The following OVCH1 variants were observed in gnomAD, a reference collection of about 807,000 sequenced individuals.
The protein encoded by OVCH1 is ovochymase-1.
In OVCH1, 139 loss-of-function variants were observed where a neutral mutation model predicts 138.4. The observed-to-expected ratio is 1.00, with a 90% CI of 0.87 to 1.16. The LOEUF is 1.16. Ranked by LOEUF, OVCH1 falls within the 50% of genes most tolerant of loss-of-function variation. OVCH1 has a pLI of 0.00. For synonymous variants in OVCH1, 453 were observed against 467.8 expected (o/e 0.97, Z 0.41); for missense variants, 1,367 against 1,357.9 (o/e 1.01, Z -0.11).
At chr12:29,481,969 C>T (rs1430165529) in intron 8 of OVCH1, among the ~76,000 whole-genome samples, 3 of 152,226 alleles carry the variant, frequency 2.0e-5, no homozygotes, top group Non-Finnish European at 4.4e-5. Flanking sequence ...ACCTGGATGA[C>T]TGCATCATCT....
At chr12:29,441,069 G>A (rs1288424017) in intron 25 of OVCH1, among the ~76,000 whole-genome samples, 1 of 152,128 alleles carries the variant, frequency 6.6e-6, no homozygotes, top group Non-Finnish European at 1.5e-5. Flanking sequence ...AGAAAGATTT[G>A]AGATAATTCC....
In OVCH1 at chr12:29,471,869, C is replaced by T. The variant is rs768253853; in HGVS notation, c.1789G>A (p.Asp597Asn). The T allele has an allele frequency of 9.9e-6, 16 of 1,613,070 alleles. No homozygotes were observed. Among genetic ancestry groups the T allele is most frequent in the East Asian group, 4.5e-5 (2 of 44,834 alleles). Residue 597 changes from aspartate (D) to asparagine (N), a missense_variant, in exon 16 of 28, where the codon GAT becomes AAT. Coordinates refer to ENST00000318184, the Ensembl canonical transcript of OVCH1. ...ATGATGGCACCTCCACATTGGTAAT[C>T]GCCTAGAAACCTCAGACCCACCTGC...
downstream of OVCH1, among the ~76,000 whole-genome samples, chr12:29,412,218 C>A (rs1386625084): frequency 1.3e-5 from 2 of 152,142 alleles, no homozygotes; most frequent in Non-Finnish European, 2.9e-5. Context: ...TCACCCCTTT[C>A]TTTGACTAGA....
chr12:29,423,811 G>A (rs747865803), downstream of OVCH1, among the ~76,000 whole-genome samples: 35 of 152,186 alleles, frequency 2.3e-4, no homozygotes, highest in Non-Finnish European at 2.8e-4. Flanking sequence ...GAGGGGAGTA[G>A]TTAATCTCTA....
chr12:29,434,647 T>C (rs976245064), intron 26 of OVCH1, among the ~76,000 whole-genome samples: 1 of 152,094 alleles, frequency 6.6e-6, no homozygotes, highest in Non-Finnish European at 1.5e-5. Flanking sequence ...AATGACATTA[T>C]ATGTGAAAAT....
chr12:29,438,826 T>C (rs2135913785), intron 26 of OVCH1, among the ~76,000 whole-genome samples: 1 of 152,338 alleles, frequency 6.6e-6, no homozygotes, highest in East Asian at 1.9e-4. Context: ...TAATATATAA[T>C]ACATTTTAAT....
chr12:29,436,583 G>A lies in OVCH1; in HGVS notation c.3264+2745C>T, dbSNP rs141944601. Among the ~76,000 whole-genome samples, 427 of 152,244 alleles carry A rather than the reference G, an allele frequency of 2.8e-3. 4 individuals carry two copies. The highest frequency in any genetic ancestry group is 8.7e-3 in the African/African-American group (362 of 41,552). The stretch of plus-strand genomic sequence containing the variant: ...CAAGAATGAAGCCGCAGACATTTGC[G>A]GCGAGTGTTACAGCTCTTAAAGATG... On this transcript the variant is annotated intron_variant, in intron 26 of 27. Transcript: ENST00000318184.
chr12:29,494,734 T>C (rs1368883185), intron 4 of OVCH1, among the ~76,000 whole-genome samples: 3 of 152,130 alleles, frequency 2.0e-5, no homozygotes, highest in South Asian at 2.1e-4. Context: ...AAATATCACA[T>C]ATTCTCCCTC....
At chr12:29,437,106 A>G (rs780672075) in intron 26 of OVCH1, among the ~76,000 whole-genome samples, 2 of 152,126 alleles carry the variant, frequency 1.3e-5, no homozygotes, top group African/African-American at 4.8e-5. Context: ...CAGAGTGCTC[A>G]TTGGTGCGTT....
chr12:29,437,208 TTAGC>T (rs1941380335), intron 26 of OVCH1, among the ~76,000 whole-genome samples: 1 of 152,180 alleles, frequency 6.6e-6, no homozygotes. Flanking sequence ...TTAGAATCCT[TTAGC>T]TAGACAGAAA....
intron 3 of OVCH1, among the ~76,000 whole-genome samples, chr12:29,415,237 A>T (rs1418166852): frequency 6.6e-6 from 1 of 152,194 alleles, no homozygotes; most frequent in African/African-American, 2.4e-5. Context: ...GATCAAGATA[A>T]GAAAGTAAGG....
chr12:29,470,824 C>A (rs919201604), intron 16 of OVCH1, among the ~76,000 whole-genome samples: 1 of 152,196 alleles, frequency 6.6e-6, no homozygotes, highest in Non-Finnish European at 1.5e-5. Context: ...AACTAATTTA[C>A]ATTCCCACCA....
At chr12:29,495,546 G>A (rs1388625596) in intron 3 of OVCH1, 89 bp from the exon 4 acceptor site, 4 of 1,151,726 alleles carry the variant, frequency 3.5e-6, no homozygotes, top group East Asian at 2.6e-5. Context: ...AGTGATTAAT[G>A]TATCTTTAAG....
At chr12:29,422,806 TAA>T (rs1339764442), downstream of OVCH1, among the ~76,000 whole-genome samples, 1 of 152,146 alleles carries the variant, frequency 6.6e-6, no homozygotes, top group Admixed American at 6.5e-5. Context: ...AGAGATATGG[TAA>T]GAGAGACATG....
Position 29,469,380 on chromosome 12 carries a change from CAGA to C in OVCH1, c.1856+2419_1856+2421del, listed in dbSNP as rs551716713. ...ACATAGGGATGTTCTACAAAAAAAA[CAGA>C]TGAGGTCTCCTCAAAATGACCAAGG... On this transcript the variant is annotated intron_variant, in intron 16 of 27. Transcript: ENST00000318184. Among the ~76,000 whole-genome samples the C allele has an allele frequency of 1.6e-4, 24 of 152,136 alleles. No individual in the cohort carries two copies. The East Asian group carries it at 3.9e-3, about 25-fold the overall frequency.
At chr12:29,440,581 C>T (rs1296676934) in intron 25 of OVCH1, 1 of 333,294 alleles carries the variant, frequency 3.0e-6, no homozygotes, top group Non-Finnish European at 5.9e-6. Flanking sequence ...ATTCTCAAAA[C>T]AACCTCATGA....
At position 29,486,253 on chromosome 12, in the gene OVCH1, T is replaced by TC; in HGVS notation, c.987_988insG (p.Lys330GlufsTer13). ...CTCTAATTAGAACCACACATACCCTTTCCTCTCTGGCTTCCATTCACTTCT... is the reference window on the plus strand; with the variant it reads ...CTCTAATTAGAACCACACATACCCTTCTCCTCTCTGGCTTCCATTCACTTCT... On this transcript the variant is annotated frameshift_variant, in exon 8 of 28. Coordinates refer to ENST00000318184, the Ensembl canonical transcript of OVCH1. LOFTEE classifies it high-confidence loss of function. The TC allele has an allele frequency of 6.2e-7, 1 of 1,610,716 alleles. No individual in the cohort carries two copies. Among genetic ancestry groups the TC allele is most frequent in the African/African-American group, 1.3e-5 (1 of 74,780 alleles).
chr12:29,462,466 C>T (rs7964979), intron 18 of OVCH1, among the ~76,000 whole-genome samples: 30,229 of 151,378 alleles, frequency 0.2, 3,753 homozygotes, highest in African/African-American at 0.36. Flanking sequence ...TAATCCTGTT[C>T]TTCATCTACT....
At chr12:29,476,755 GCACACA>G (rs548409739) in intron 12 of OVCH1, among the ~76,000 whole-genome samples, 9,248 of 103,334 alleles carry the variant, frequency 0.089, 490 homozygotes, top group Middle Eastern at 0.17. Flanking sequence ...ACACACGCGC[GCACACA>G]CACACACACA....
Sources: allele counts gnomAD v4.1 joint callset (sites outside exome capture counted in the v4.1 genomes callset), GRCh38; gene constraint gnomAD v4.1.1; transcripts MANE v1.5; gene names NCBI Gene and HGNC (gene_info 2026-07-23, HGNC 2026-07-21).